FKBP15: variants seen among roughly 807,000 people sequenced by gnomAD.
FKBP15 encodes FKBP prolyl isomerase family member 15, also known as FK506-binding protein 15.
A neutral mutation model predicts 158.1 loss-of-function variants in FKBP15; 106 were observed. That is an observed-to-expected ratio of 0.67 (90% CI 0.57 to 0.79). The LOEUF (loss-of-function observed/expected upper bound fraction) is 0.79, where lower values mean the gene tolerates loss of function less well. Among genes scored for constraint, FKBP15 ranks in the 30% least tolerant of loss-of-function variants. The probability of loss-of-function intolerance (pLI) is 0.00; values close to 1 mark genes in which losing one functional copy is unlikely to be tolerated. For missense variants in FKBP15, 1,287 were observed against 1,479.1 expected, an observed-to-expected ratio of 0.87 and a Z score of 2.13; for synonymous variants, 547 against 548.6, an observed-to-expected ratio of 1.00 and a Z score of 0.04.
chr9:113,218,785 C>A (rs1831196159), intron 1 of FKBP15, among the ~76,000 whole-genome samples: 2 of 152,112 alleles, frequency 1.3e-5, no homozygotes, highest in Non-Finnish European at 2.9e-5. Flanking sequence ...AAGTCACATT[C>A]CTAACTGGGG....
At chr9:113,192,881 T>A (rs928131460) in intron 11 of FKBP15, among the ~76,000 whole-genome samples, 3 of 152,094 alleles carry the variant, frequency 2.0e-5, no homozygotes, top group African/African-American at 7.2e-5. Flanking sequence ...ACTAACACAA[T>A]CCTCTGAATA....
intron 1 of FKBP15, among the ~76,000 whole-genome samples, chr9:113,220,222 G>A (rs1831222827): frequency 6.6e-6 from 1 of 152,174 alleles, no homozygotes; most frequent in Non-Finnish European, 1.5e-5. Flanking sequence ...AGAATAAGGG[G>A]CATATGTGGT....
intron 7 of FKBP15, among the ~76,000 whole-genome samples, chr9:113,199,327 A>AATT (rs1830743449): frequency 2.0e-5 from 3 of 152,336 alleles, no homozygotes; most frequent in African/African-American, 7.2e-5. Context: ...ATTAGTATAT[A>AATT]ATTGGATCTC....
Position 113,184,150 on chromosome 9 carries a change from A to T in FKBP15, c.1716+142T>A. 1.6e-6 allele frequency: 1 copy of T among 640,710 alleles called. No individual in the cohort carries two copies. Among genetic ancestry groups the T allele is most frequent in the Non-Finnish European group, 2.8e-6 (1 of 362,388 alleles). 39.7% of individuals were successfully genotyped at this position (640,710 alleles called of 1,614,324 possible). A position where few individuals can be genotyped will look rare whatever the true frequency, so the allele number is the denominator to read the frequency against. On this transcript the variant is annotated intron_variant, in intron 17 of 27. Transcript: ENST00000238256. This position sits in a 1 kb window ranked among gnomAD's most constrained non-coding sequence, Gnocchi z 4.5. ...GTCACTTGGACAGAATTAAGCCATA[A>T]TGGATTTTCTAGAATTGTCTAACCC...
chr9:113,217,533 T>C (rs1451464809), intron 1 of FKBP15, among the ~76,000 whole-genome samples: 3 of 152,158 alleles, frequency 2.0e-5, no homozygotes, highest in African/African-American at 7.2e-5. Context: ...ATATCTTTAA[T>C]GGACTCTGCA....
At chr9:113,219,998 A>G (rs4979224) in intron 1 of FKBP15, among the ~76,000 whole-genome samples, 50,997 of 152,032 alleles carry the variant, frequency 0.34, 8,717 homozygotes, top group African/African-American at 0.39. Flanking sequence ...TAAATCAAAA[A>G]TTCCTACTTA....
intron 9 of FKBP15, 28 bp from the exon 10 acceptor site, chr9:113,194,197 A>T (rs904143111): frequency 4.5e-6 from 7 of 1,550,450 alleles, no homozygotes; most frequent in Non-Finnish European, 6.1e-6. Context: ...ATTCTCACTC[A>T]TAGGTGGGAA....
intron 9 of FKBP15, among the ~76,000 whole-genome samples, chr9:113,196,031 TGCACACACACACAC>T (rs1246107319): frequency 7.4e-6 from 1 of 135,408 alleles, no homozygotes; most frequent in Non-Finnish European, 1.7e-5. Context: ...CACACACACA[TGCACACACACACAC>T]GCACATATGA....
At chr9:113,210,761 C>T (rs550115241) in intron 2 of FKBP15, among the ~76,000 whole-genome samples, 5 of 133,446 alleles carry the variant, frequency 3.7e-5, no homozygotes, top group East Asian at 2.0e-4. Flanking sequence ...CAACTGCCAG[C>T]GTGGCTAGTA....
chr9:113,200,141 G>A (rs1046933795), intron 6 of FKBP15, among the ~76,000 whole-genome samples, 178 bp from the exon 7 acceptor site: 23 of 152,310 alleles, frequency 1.5e-4, no homozygotes, highest in Admixed American at 1.4e-3. Flanking sequence ...TAGGAGTATG[G>A]CTTTGCAGTC....
chr9:113,181,827 G>C (rs1339135892), intron 19 of FKBP15, among the ~76,000 whole-genome samples: 1 of 152,176 alleles, frequency 6.6e-6, no homozygotes, highest in Non-Finnish European at 1.5e-5. Context: ...AGTGGGTGGG[G>C]AGTGGTGAAG....
At chr9:113,213,996 G>A (rs953999973) in intron 1 of FKBP15, among the ~76,000 whole-genome samples, 10 of 151,914 alleles carry the variant, frequency 6.6e-5, no homozygotes, top group African/African-American at 2.4e-4. Flanking sequence ...GCAGTGGGGC[G>A]TTCATGGCTC....
At chr9:113,177,255 C>T (rs1830316203) in intron 20 of FKBP15, among the ~76,000 whole-genome samples, 1 of 152,188 alleles carries the variant, frequency 6.6e-6, no homozygotes, top group African/African-American at 2.4e-5. Context: ...GTAAGATAGT[C>T]TCAACTTTCT....
rs181430248 is a variant in FKBP15 at position 113,200,959 on chromosome 9, G to A, written c.499-996C>T. Among the ~76,000 whole-genome samples the A allele has an allele frequency of 1.7e-4, 25 of 150,944 alleles. No homozygotes were observed. In the East Asian group the frequency reaches 4.7e-3, roughly 28 times the overall value. ...CTTGGGAGGCTGGGGCAGAAGAATC[G>A]CTTGAACCCGGGAGGCGGAGGTTGC... On this transcript the variant is annotated intron_variant, in intron 6 of 27. Coordinates refer to ENST00000238256, the MANE Select transcript of FKBP15 (RefSeq NM_015258.2).
rs371365587 is a variant in FKBP15 at position 113,214,154 on chromosome 9, C to T, written c.54-2562G>A. Among the ~76,000 whole-genome samples the T allele has an allele frequency of 3.3e-5, 5 of 152,164 alleles. No individual in the cohort carries two copies. The South Asian group carries it at 8.3e-4, about 25-fold the overall frequency. On this transcript the variant is annotated intron_variant, in intron 1 of 27. Coordinates refer to ENST00000238256, the MANE Select transcript of FKBP15 (RefSeq NM_015258.2). ...GGACTACAGGCATGCACCAAGAAAC[C>T]TGGCTAATTTCTATATTTTTTGTAG...
At chr9:113,191,233 C>T (rs986289995) in intron 11 of FKBP15, among the ~76,000 whole-genome samples, 7 of 151,238 alleles carry the variant, frequency 4.6e-5, no homozygotes, top group African/African-American at 1.2e-4. Flanking sequence ...AGTGCAGTGG[C>T]GTGATCTCGG....
Position 113,211,466 on chromosome 9 carries a change from T to G in FKBP15, c.169+11A>C, listed in dbSNP as rs368329782. The G allele has an allele frequency of 1.1e-4, 170 of 1,598,324 alleles. 2 individuals are homozygous for G. In the Middle Eastern group the frequency reaches 0.012, roughly 110 times the overall value. ...TAGCCACCTCGCTCGGCTAATACAC[T>G]CTTAACTTACCTGTTGCTGCCGTTC... On this transcript the variant is annotated intron_variant, in intron 2 of 27. Coordinates refer to ENST00000238256, the MANE Select transcript of FKBP15 (RefSeq NM_015258.2).
intron 6 of FKBP15, among the ~76,000 whole-genome samples, chr9:113,201,022 G>A (rs552096365): frequency 1.1e-4 from 15 of 140,782 alleles, no homozygotes; most frequent in African/African-American, 3.5e-4. Context: ...CCAGCCTGGC[G>A]ACAGAGCAGG....
chr9:113,204,074 T>C (rs1830842960), intron 4 of FKBP15, among the ~76,000 whole-genome samples: 1 of 146,764 alleles, frequency 6.8e-6, no homozygotes, highest in Admixed American at 6.8e-5. Context: ...TCTATGAACA[T>C]TCTCCACGTC....
Sources: allele counts gnomAD v4.1 joint callset (sites outside exome capture counted in the v4.1 genomes callset), GRCh38; gene constraint gnomAD v4.1.1; non-coding constraint Gnocchi (gnomAD v3.1); transcripts MANE v1.5; gene names NCBI Gene and HGNC (gene_info 2026-07-23, HGNC 2026-07-21).